The following RRM2 variants were observed in gnomAD, a reference collection of about 807,000 sequenced individuals.
RRM2 encodes the protein ribonucleotide reductase regulatory subunit M2, also known as ribonucleoside-diphosphate reductase subunit M2.
RRM2 carries 6 observed loss-of-function variants against 45.9 expected under a neutral mutation model. The observed-to-expected ratio is 0.13, with a 90% confidence interval of 0.07 to 0.26. The LOEUF is 0.26. Among genes scored for constraint, RRM2 ranks in the 10% least tolerant of loss-of-function variants. The probability of loss-of-function intolerance (pLI) is 1.00; values close to 1 mark genes in which losing one functional copy is unlikely to be tolerated. For missense variants in RRM2, 343 were observed against 489.5 expected (o/e 0.70, Z 2.82); for synonymous variants, 177 against 173.0 (o/e 1.02, Z -0.18).
intron 3 of RRM2, among the ~76,000 whole-genome samples, chr2:10,142,655 C>A (rs1663109208): frequency 6.6e-6 from 1 of 151,766 alleles, no homozygotes; most frequent in African/African-American, 2.4e-5. Context: ...CAGGCTCAGG[C>A]CCCCACCATG....
At chr2:10,124,695 C>G (rs996906285) in intron 4 of RRM2, 22 bp from the exon 5 acceptor site, 8 of 1,609,642 alleles carry the variant, frequency 5.0e-6, no homozygotes, top group Non-Finnish European at 5.9e-6. Flanking sequence ...TCAAGCTTAA[C>G]TTTGATGTGT....
intron 4 of RRM2, 144 bp downstream of exon 4, chr2:10,123,996 T>G: frequency 3.0e-6 from 2 of 670,598 alleles, no homozygotes; most frequent in Non-Finnish European, 5.3e-6. Context: ...ATTTCCTGTT[T>G]TGTAACACTT....
At chr2:10,137,201 T>C (rs1663002815), upstream of RRM2, among the ~76,000 whole-genome samples, 1 of 152,172 alleles carries the variant, frequency 6.6e-6, no homozygotes, top group South Asian at 2.1e-4. Context: ...AGGGAGGCCA[T>C]GTGCCTCACA....
At chr2:10,164,535 G>A (rs1256149198) in intron 3 of RRM2, among the ~76,000 whole-genome samples, 1 of 152,214 alleles carries the variant, frequency 6.6e-6, no homozygotes, top group East Asian at 1.9e-4. Context: ...GGTGCACTCA[G>A]TGCTCACGGG....
chr2:10,156,813 A>G (rs927629840), intron 3 of RRM2, among the ~76,000 whole-genome samples: 1 of 150,642 alleles, frequency 6.6e-6, no homozygotes, highest in Non-Finnish European at 1.5e-5. Context: ...TACTTTTTGT[A>G]TTTTTTGGTA....
At chr2:10,189,462 T>C (rs1664239796) in intron 3 of RRM2, among the ~76,000 whole-genome samples, 1 of 152,206 alleles carries the variant, frequency 6.6e-6, no homozygotes, top group Admixed American at 6.5e-5. Context: ...GGTGATGGTA[T>C]TCCAGCAGTG....
intron 3 of RRM2, among the ~76,000 whole-genome samples, chr2:10,148,044 T>G (rs992973702): frequency 2.7e-5 from 4 of 149,868 alleles, no homozygotes; most frequent in African/African-American, 9.8e-5. Context: ...CTCCAGAGGC[T>G]GAGGCAGGAG....
chr2:10,134,588 G>A (rs1405998790), downstream of RRM2, among the ~76,000 whole-genome samples: 1 of 152,202 alleles, frequency 6.6e-6, no homozygotes, highest in Non-Finnish European at 1.5e-5. Flanking sequence ...TCCCACAGGT[G>A]GGGTTCACAC....
intron 3 of RRM2, chr2:10,198,823 G>A (rs1436631860): frequency 6.6e-6 from 1 of 152,178 alleles, no homozygotes; most frequent in African/African-American, 2.4e-5. Flanking sequence ...AATGTTTCTG[G>A]TCAGAGGAGT....
intron 3 of RRM2, among the ~76,000 whole-genome samples, chr2:10,193,913 C>G (rs1664361109): frequency 6.6e-6 from 1 of 152,200 alleles, no homozygotes; most frequent in Admixed American, 6.5e-5. Context: ...AGGGAGGTCC[C>G]TAGACATTTA....
chr2:10,139,602 C>CA (rs1204364228), upstream of RRM2, among the ~76,000 whole-genome samples: 1 of 152,180 alleles, frequency 6.6e-6, no homozygotes, highest in African/African-American at 2.4e-5. Flanking sequence ...TGTTCTTTCT[C>CA]ATCTCTCTTG....
At position 10,124,730 on chromosome 2, in the gene RRM2, G is replaced by T; in HGVS notation, c.449G>T (p.Ser150Ile). Residue 150 changes from serine (S) to isoleucine (I), a missense_variant, in exon 5 of 10, where the codon AGC becomes ATC. By Grantham distance (142) the Ser-to-Ile change is moderately radical (BLOSUM62 -2). Around this residue, in one of 2 missense-constraint regions of RRM2, gnomAD observed 212 missense variants for 368.1 expected, o/e 0.58. Transcript: ENST00000304567. ...IVNENLVERF[S>I]QEVQITEARC... Reference sequence around the variant, plus strand: ...TTTTGCCACTAGGTGGAGCGATTTAGCCAAGAAGTTCAGATTACAGAAGCC... The same window carrying T: ...TTTTGCCACTAGGTGGAGCGATTTATCCAAGAAGTTCAGATTACAGAAGCC... The T allele has an allele frequency of 6.2e-7, 1 of 1,611,664 alleles. No homozygotes were observed. Among genetic ancestry groups the T allele is most frequent in the Non-Finnish European group, 8.5e-7 (1 of 1,179,770 alleles).
rs1662720230 is a variant in RRM2, at chr2:10,123,726, C to G, written c.319-10C>G. The stretch of plus-strand genomic sequence containing the variant: ...CCTTTTATGCTAAAATTGTGACTTC[C>G]GAACCTCAGGTGGACCTCTCCAAGG... On this transcript the variant is annotated splice_polypyrimidine_tract_variant and intron_variant, in intron 3 of 9. Transcript: ENST00000304567. The G allele has an allele frequency of 6.5e-7, 1 of 1,549,902 alleles. No homozygotes were observed. Among genetic ancestry groups the G allele is most frequent in the South Asian group, 1.1e-5 (1 of 89,116 alleles).
exon 4 of RRM2, chr2:10,210,944 A>G (rs1435623477): frequency 4.8e-6 from 1 of 206,772 alleles, no homozygotes; most frequent in Non-Finnish European, 9.9e-6. Flanking sequence ...ACCTGCCGGC[A>G]CCTTGCTGTG....
At chr2:10,182,036 G>A (rs1664070450) in intron 3 of RRM2, among the ~76,000 whole-genome samples, 3 of 152,056 alleles carry the variant, frequency 2.0e-5, no homozygotes. Flanking sequence ...AAAGTGCTGG[G>A]ATTATAGGTG....
chr2:10,143,192 C>T (rs1663120181), intron 3 of RRM2, among the ~76,000 whole-genome samples: 1 of 152,210 alleles, frequency 6.6e-6, no homozygotes, highest in Non-Finnish European at 1.5e-5. Context: ...GCTTCTTAAA[C>T]ACCACATCCT....
At chr2:10,190,038 A>T (rs112411257) in intron 3 of RRM2, among the ~76,000 whole-genome samples, 6,093 of 141,070 alleles carry the variant, frequency 0.043, 426 homozygotes, top group African/African-American at 0.15. Context: ...GATGGTGGTG[A>T]TGGTGGTATT....
At chr2:10,209,509 G>T (rs146230606) in intron 3 of RRM2, among the ~76,000 whole-genome samples, 109 of 152,242 alleles carry the variant, frequency 7.2e-4, no homozygotes, top group Non-Finnish European at 1.4e-3. Context: ...TGGAATATTT[G>T]TCTGGAAAAC....
At chr2:10,162,203 A>T (rs1462215225) in intron 3 of RRM2, among the ~76,000 whole-genome samples, 3 of 152,210 alleles carry the variant, frequency 2.0e-5, no homozygotes, top group African/African-American at 7.2e-5. Flanking sequence ...AGGGGAGGAG[A>T]CAGGGCACAG....
Sources: allele counts gnomAD v4.1 joint callset (sites outside exome capture counted in the v4.1 genomes callset), GRCh38; gene constraint gnomAD v4.1.1; regional missense constraint gnomAD v4.1.1; transcripts MANE v1.5; gene names NCBI Gene and HGNC (gene_info 2026-07-23, HGNC 2026-07-21).